KIAA0319L: variants seen among roughly 807,000 people sequenced by gnomAD.
KIAA0319L encodes KIAA0319 like.
KIAA0319L carries 55 observed loss-of-function variants against 120.1 expected under a neutral mutation model. The ratio of observed to expected loss-of-function variants is 0.46; its 90% confidence interval spans 0.37 to 0.57. KIAA0319L has a LOEUF of 0.57. Among genes scored for constraint, KIAA0319L ranks in the 20% least tolerant of loss-of-function variants. The pLI, the probability that KIAA0319L is intolerant of heterozygous loss-of-function variation, is 0.00. For missense variants in KIAA0319L, 1,049 were observed against 1,255.3 expected, an observed-to-expected ratio of 0.84 and a Z score of 2.48; for synonymous variants, 398 against 471.9, an observed-to-expected ratio of 0.84 and a Z score of 2.03.
At chr1:35,516,275 G>T (rs1645677984) in intron 2 of KIAA0319L, among the ~76,000 whole-genome samples, 1 of 152,170 alleles carries the variant, frequency 6.6e-6, no homozygotes, top group Non-Finnish European at 1.5e-5. Context: ...CAATATCCTT[G>T]ATGCACATCA....
chr1:35,482,804 T>C (rs1485181411), intron 3 of KIAA0319L, among the ~76,000 whole-genome samples: 1 of 152,220 alleles, frequency 6.6e-6, no homozygotes, highest in African/African-American at 2.4e-5. Context: ...CCGATCAATG[T>C]ACCTTTAACT....
chr1:35,552,331 G>A (rs572800409), intron 2 of KIAA0319L, among the ~76,000 whole-genome samples: 1 of 152,168 alleles, frequency 6.6e-6, no homozygotes, highest in African/African-American at 2.4e-5. Context: ...TGGTGACAGA[G>A]TGAGACTCCG....
At chr1:35,463,901 T>C (rs893913442) in intron 7 of KIAA0319L, among the ~76,000 whole-genome samples, 2 of 152,168 alleles carry the variant, frequency 1.3e-5, no homozygotes, top group Admixed American at 6.5e-5. Context: ...TCTGATGGTG[T>C]TAAAAACAGG....
chr1:35,449,568 T>C (rs1641894381), intron 15 of KIAA0319L, among the ~76,000 whole-genome samples: 1 of 152,198 alleles, frequency 6.6e-6, no homozygotes, highest in South Asian at 2.1e-4. Context: ...AGTGCTGGAC[T>C]ACGAGCACAA....
chr1:35,454,489 C>T lies in KIAA0319L; in HGVS notation c.1657-4G>A, dbSNP rs994936040. On this transcript the variant is annotated splice_polypyrimidine_tract_variant and splice_region_variant and intron_variant, in intron 10 of 20. Transcript: ENST00000325722. ...GTAAGGTTGGTGTTCTAACACCCTA[C>T]AAATACAAATACAGAAGTGGAAAAG... is the stretch of plus-strand genomic sequence containing the variant. 1 of 1,612,522 alleles carries T rather than the reference C, an allele frequency of 6.2e-7. No homozygotes were observed. The highest frequency in any genetic ancestry group is 1.3e-5 in the African/African-American group (1 of 74,880).
At chr1:35,467,654 G>T (rs1409751543) in intron 6 of KIAA0319L, among the ~76,000 whole-genome samples, 1 of 151,516 alleles carries the variant, frequency 6.6e-6, no homozygotes, top group African/African-American at 2.4e-5. Context: ...CATTCATTTA[G>T]CATGAACACC....
At chr1:35,481,447 A>G (rs1361801297) in intron 3 of KIAA0319L, among the ~76,000 whole-genome samples, 2 of 152,152 alleles carry the variant, frequency 1.3e-5, no homozygotes, top group Non-Finnish European at 1.5e-5. Flanking sequence ...AACACTTGGT[A>G]TTCCTGGTCT....
chr1:35,557,631 C>G, upstream of KIAA0319L: 3 of 455,308 alleles, frequency 6.6e-6, no homozygotes, highest in Admixed American at 7.1e-5. Flanking sequence ...GCTCGAGCCC[C>G]AGCCCCCAGA....
At chr1:35,463,317 T>C (rs1311396899) in intron 7 of KIAA0319L, among the ~76,000 whole-genome samples, 1 of 152,240 alleles carries the variant, frequency 6.6e-6, no homozygotes, top group Non-Finnish European at 1.5e-5. Flanking sequence ...AATGCTCATG[T>C]GCTATCTAGT....
intron 3 of KIAA0319L, among the ~76,000 whole-genome samples, chr1:35,492,564 G>A (rs547576634): frequency 3.8e-4 from 57 of 151,268 alleles, no homozygotes; most frequent in Non-Finnish European, 6.6e-4. Flanking sequence ...ATGACCAAGC[G>A]GGGTTTACTC....
chr1:35,557,445 C>G (rs1213197220), upstream of KIAA0319L: 8 of 341,746 alleles, frequency 2.3e-5, no homozygotes, highest in Admixed American at 3.3e-4. Context: ...CGGAAACACA[C>G]TCTCCATGCT....
At chr1:35,457,875 A>C (rs1360900641) in intron 9 of KIAA0319L, among the ~76,000 whole-genome samples, 2 of 152,158 alleles carry the variant, frequency 1.3e-5, no homozygotes, top group Non-Finnish European at 2.9e-5. Context: ...AAAAACAAAA[A>C]TTTACAGAAG....
chr1:35,500,358 G>A (rs1358032091), intron 3 of KIAA0319L, among the ~76,000 whole-genome samples: 1 of 152,144 alleles, frequency 6.6e-6, no homozygotes, highest in African/African-American at 2.4e-5. Context: ...TGCTCCTCCT[G>A]CCAACAATTC....
chr1:35,528,418 T>A lies in KIAA0319L; in HGVS notation c.143-21283A>T, dbSNP rs559357901. ...TCAGGTGCATGTTGTTTAATTTCCA[T>A]GTATTTGTATAGTTTCTAAGTTCCT... On this transcript the variant is annotated intron_variant, in intron 2 of 20. Coordinates refer to ENST00000325722, the MANE Select transcript of KIAA0319L (RefSeq NM_024874.5). Among the ~76,000 whole-genome samples the A allele has an allele frequency of 1.6e-4, 24 of 152,362 alleles. No homozygotes were observed. The South Asian group carries it at 3.5e-3, about 22-fold the overall frequency.
chr1:35,449,120 C>T lies in KIAA0319L; in HGVS notation c.2353+747G>A, dbSNP rs114086864. ...AAGAGATTTTATAGTGTCTCAGCTA[C>T]TGTCCTTCCTAGAGGCAGGACAAGG... On this transcript the variant is annotated intron_variant, in intron 15 of 20. Coordinates refer to ENST00000325722, the MANE Select transcript of KIAA0319L (RefSeq NM_024874.5). Among the ~76,000 whole-genome samples the T allele has an allele frequency of 7.7e-3, 1,166 of 152,312 alleles. 14 individuals carry two copies. Among genetic ancestry groups the T allele is most frequent in the African/African-American group, 0.027 (1,119 of 41,558 alleles).
chr1:35,490,002 C>T (rs1156940691), intron 3 of KIAA0319L, among the ~76,000 whole-genome samples: 1 of 152,068 alleles, frequency 6.6e-6, no homozygotes, highest in Non-Finnish European at 1.5e-5. Flanking sequence ...ACTCTATCAC[C>T]CAGGCTGGAG....
chr1:35,538,019 T>A (rs1450183512), intron 2 of KIAA0319L, among the ~76,000 whole-genome samples: 8 of 152,150 alleles, frequency 5.3e-5, no homozygotes, highest in Non-Finnish European at 1.0e-4. Flanking sequence ...GATTAGAACA[T>A]CCCATGTCTT....
At chr1:35,484,812 T>A (rs1301921694) in intron 3 of KIAA0319L, among the ~76,000 whole-genome samples, 3 of 136,084 alleles carry the variant, frequency 2.2e-5, no homozygotes, top group Non-Finnish European at 3.1e-5. Context: ...ATATATTTTT[T>A]TTTTTATTAT....
chr1:35,468,338 A>G (rs796817132), intron 6 of KIAA0319L, among the ~76,000 whole-genome samples: 3 of 151,552 alleles, frequency 2.0e-5, no homozygotes, highest in African/African-American at 7.3e-5. Context: ...CAGGATTCCA[A>G]CCTCAGCCTG....
Sources: allele counts gnomAD v4.1 joint callset (sites outside exome capture counted in the v4.1 genomes callset), GRCh38; gene constraint gnomAD v4.1.1; transcripts MANE v1.5; gene names NCBI Gene and HGNC (gene_info 2026-07-23, HGNC 2026-07-21).